Variants in TENM4 observed in about 807,000 individuals in gnomAD.
TENM4 encodes teneurin-4.
TENM4 carries 82 observed loss-of-function variants against 243.3 expected under a neutral mutation model. The observed-to-expected ratio is 0.34, with a 90% confidence interval of 0.28 to 0.40. The LOEUF (loss-of-function observed/expected upper bound fraction) is 0.40. Among genes scored for constraint, TENM4 ranks in the 10% least tolerant of loss-of-function variants. The pLI is 1.00. For missense variants in TENM4, 3,138 were observed against 3,673.3 expected (o/e 0.85, Z 3.77); for synonymous variants, 1,412 against 1,456.3 (o/e 0.97, Z 0.69).
chr11:79,381,486 A>G (rs924109800), intron 1 of TENM4, among the ~76,000 whole-genome samples: 1 of 151,504 alleles, frequency 6.6e-6, no homozygotes, highest in Non-Finnish European at 1.5e-5. Context: ...AAGAGTCCCC[A>G]ACGTTTGCTC....
intron 6 of TENM4, among the ~76,000 whole-genome samples, chr11:78,905,576 T>C (rs1856043138): frequency 6.6e-6 from 1 of 152,244 alleles, no homozygotes; most frequent in African/African-American, 2.4e-5. Flanking sequence ...TCATGCATCC[T>C]CCACTCCAGC....
chr11:79,298,480 A>C (rs1419278896), intron 1 of TENM4, among the ~76,000 whole-genome samples: 1 of 141,030 alleles, frequency 7.1e-6, no homozygotes, highest in Non-Finnish European at 1.5e-5. Context: ...GCGCCACTGC[A>C]GTCCGCAGTC....
At chr11:78,795,055 C>T (rs1188254681) in intron 15 of TENM4, among the ~76,000 whole-genome samples, 1 of 152,100 alleles carries the variant, frequency 6.6e-6, no homozygotes, top group East Asian at 1.9e-4. Context: ...TCTGCCTGGG[C>T]CATTTCCATA....
chr11:78,715,808 C>T (rs1446435895), intron 25 of TENM4, among the ~76,000 whole-genome samples: 1 of 152,198 alleles, frequency 6.6e-6, no homozygotes, highest in South Asian at 2.1e-4. Flanking sequence ...GTTTGCAGAG[C>T]TCTCTGAACA....
At chr11:79,026,148 G>T (rs962602666) in intron 6 of TENM4, among the ~76,000 whole-genome samples, 7 of 152,194 alleles carry the variant, frequency 4.6e-5, no homozygotes, top group Non-Finnish European at 1.0e-4. Context: ...AGTTCTGAAA[G>T]GAATTACAGG....
chr11:78,665,741 G>A (rs1858141228), intron 32 of TENM4, among the ~76,000 whole-genome samples: 1 of 152,168 alleles, frequency 6.6e-6, no homozygotes, highest in Admixed American at 6.5e-5. Context: ...TTGTAAATGG[G>A]GTCAGTGATC....
chr11:78,856,056 G>A lies in TENM4; in HGVS notation c.1378C>T (p.His460Tyr). Residue 460 changes from histidine to tyrosine, a missense_variant, in exon 11 of 34, where the codon CAT becomes TAT. Coordinates refer to ENST00000278550, the MANE Select transcript of TENM4 (RefSeq NM_001098816.3). ...TFWRSQVFID[H>Y]PVHLKFNVSL... ...ACATTGAATTTCAGATGCACAGGAT[G>A]GTCTATGAACACTTGAGATCTCCAG... 1 of 1,551,698 alleles carries A rather than the reference G, an allele frequency of 6.4e-7. No homozygotes were observed. The highest frequency in any genetic ancestry group is 1.2e-5 in the South Asian group (1 of 84,060).
chr11:78,763,394 A>T (rs549002736), intron 18 of TENM4, among the ~76,000 whole-genome samples: 1 of 152,122 alleles, frequency 6.6e-6, no homozygotes, highest in Non-Finnish European at 1.5e-5. Context: ...GGAAAAAAAG[A>T]AGGGGGGCCA....
chr11:78,789,351 G>T (rs1857006323), intron 15 of TENM4, among the ~76,000 whole-genome samples: 1 of 152,192 alleles, frequency 6.6e-6, no homozygotes, highest in Non-Finnish European at 1.5e-5. Context: ...CCCCTAGGAT[G>T]TTGTTCAAGC....
chr11:79,219,036 G>A (rs909853549), intron 2 of TENM4, among the ~76,000 whole-genome samples: 11 of 152,210 alleles, frequency 7.2e-5, no homozygotes, highest in Non-Finnish European at 1.6e-4. Flanking sequence ...ATGTTTGGCA[G>A]TTTTGTAAGA....
chr11:78,890,968 C>T (rs1011966499), intron 8 of TENM4, among the ~76,000 whole-genome samples: 1 of 152,182 alleles, frequency 6.6e-6, no homozygotes, highest in Non-Finnish European at 1.5e-5. Flanking sequence ...GCCTGTGCTG[C>T]ATTAAAAATG....
At position 78,896,727 on chromosome 11, in the gene TENM4, A is replaced by G. The variant is rs527817700; in HGVS notation, c.750-5391T>C. On this transcript the variant is annotated intron_variant, in intron 7 of 33. Coordinates refer to ENST00000278550, the MANE Select transcript of TENM4 (RefSeq NM_001098816.3). ...ATGCCTGGAGAAGCTATTTTGAACA[A>G]TCAGGAAGACGGCACTGCATAGTGG... 7.9e-5 allele frequency among the ~76,000 whole-genome samples: 12 copies of G among 152,176 alleles called. No individual in the cohort carries two copies. The South Asian group carries it at 2.3e-3, about 29-fold the overall frequency.
intron 4 of TENM4, among the ~76,000 whole-genome samples, chr11:79,140,694 C>T (rs1422744213): frequency 6.6e-6 from 1 of 152,074 alleles, no homozygotes; most frequent in Non-Finnish European, 1.5e-5. Context: ...AATAAAAGCA[C>T]CAAGCCAGAA....
intron 6 of TENM4, among the ~76,000 whole-genome samples, chr11:79,041,466 A>C (rs1859527052): frequency 6.7e-6 from 1 of 148,962 alleles, no homozygotes; most frequent in African/African-American, 2.5e-5. Context: ...AAATCCCTTA[A>C]CACAACTCTT....
At chr11:78,875,102 A>G (rs1859232799) in intron 9 of TENM4, among the ~76,000 whole-genome samples, 1 of 152,236 alleles carries the variant, frequency 6.6e-6, no homozygotes, top group African/African-American at 2.4e-5. Flanking sequence ...TCCAGTCCTG[A>G]AGCACTTTGG....
chr11:79,162,466 A>ATTATTTATTTATTTAT lies in TENM4; in HGVS notation c.-162-13676_-162-13661dup, dbSNP rs148237396. Among the ~76,000 whole-genome samples the ATTATTTATTTATTTAT allele has an allele frequency of 9.9e-4, 149 of 151,082 alleles. 1 individual carries two copies. The highest frequency in any genetic ancestry group is 8.2e-3 in the East Asian group (42 of 5,122). ...ATGATGCTATAAAGTATTTGCTGTTATTATTTATTTATTTATTTATTTATT... is the reference window on the plus strand; with the variant it reads ...ATGATGCTATAAAGTATTTGCTGTTATTATTTATTTATTTATTTATTTATTTATTTATTTATTTATT... On this transcript the variant is annotated intron_variant, in intron 3 of 33. Coordinates refer to ENST00000278550, the MANE Select transcript of TENM4 (RefSeq NM_001098816.3).
chr11:79,074,599 A>G (rs1337874606), intron 4 of TENM4, among the ~76,000 whole-genome samples: 1 of 152,184 alleles, frequency 6.6e-6, no homozygotes, highest in Non-Finnish European at 1.5e-5. Flanking sequence ...TCGCAGACTC[A>G]TATGCTCCAT....
At chr11:79,341,854 A>G (rs1428787005) in intron 1 of TENM4, among the ~76,000 whole-genome samples, 1 of 152,224 alleles carries the variant, frequency 6.6e-6, no homozygotes, top group Non-Finnish European at 1.5e-5. Context: ...GTAAAGTAGG[A>G]GTCCAGGACT....
At chr11:78,757,312 G>A (rs1422697119) in intron 18 of TENM4, among the ~76,000 whole-genome samples, 1 of 152,192 alleles carries the variant, frequency 6.6e-6, no homozygotes, top group East Asian at 1.9e-4. Flanking sequence ...CCAGAAGTGA[G>A]ATAACACATG....
Sources: allele counts gnomAD v4.1 joint callset (sites outside exome capture counted in the v4.1 genomes callset), GRCh38; gene constraint gnomAD v4.1.1; transcripts MANE v1.5; gene names NCBI Gene and HGNC (gene_info 2026-07-23, HGNC 2026-07-21).